Variants in PPP1R9A observed in about 807,000 individuals in gnomAD.
PPP1R9A encodes the protein protein phosphatase 1 regulatory subunit 9A, also known as neurabin-1.
PPP1R9A carries 59 observed loss-of-function variants against 141.9 expected under a neutral mutation model. The observed-to-expected ratio is 0.42, with a 90% confidence interval of 0.34 to 0.52. The LOEUF (loss-of-function observed/expected upper bound fraction) is 0.52, where lower values mean the gene tolerates loss of function less well. Ranked by LOEUF, PPP1R9A falls within the 20% of genes least tolerant of loss-of-function variation. The probability of loss-of-function intolerance (pLI) is 0.10; values close to 1 mark genes in which losing one functional copy is unlikely to be tolerated. For synonymous variants in PPP1R9A, 500 were observed against 569.7 expected (o/e 0.88, Z 1.74); for missense variants, 1,444 against 1,611.9 (o/e 0.90, Z 1.78).
chr7:95,070,593 G>GTATGTATATATATATATATATA (rs1813635157), intron 2 of PPP1R9A, among the ~76,000 whole-genome samples: 1 of 111,940 alleles, frequency 8.9e-6, no homozygotes, highest in African/African-American at 3.6e-5. Context: ...TAAATCTCTG[G>GTATGTATATATATATATATATA]TATATATATA....
intron 4 of PPP1R9A, among the ~76,000 whole-genome samples, chr7:95,148,688 C>CAAAAAAAAA (rs80065854): frequency 1.0e-4 from 7 of 69,722 alleles, no homozygotes; most frequent in Admixed American, 4.3e-4. Context: ...TCTAAAAATA[C>CAAAAAAAAA]AAAAAAAAAA....
chr7:95,023,657 C>T (rs887618150), intron 2 of PPP1R9A, among the ~76,000 whole-genome samples: 3 of 152,014 alleles, frequency 2.0e-5, no homozygotes, highest in African/African-American at 7.2e-5. Flanking sequence ...GGTTTCACGC[C>T]ATTCTCCTGC....
intron 16 of PPP1R9A, 30 bp from the exon 17 acceptor site, chr7:95,283,988 T>A: frequency 6.6e-7 from 1 of 1,513,212 alleles, no homozygotes; most frequent in Non-Finnish European, 8.9e-7. Context: ...CCTTTCTTTA[T>A]CTAACACACC....
intron 8 of PPP1R9A, among the ~76,000 whole-genome samples, chr7:95,228,451 C>G (rs1218501477): frequency 6.6e-6 from 1 of 152,172 alleles, no homozygotes; most frequent in Non-Finnish European, 1.5e-5. Flanking sequence ...TTATTAAATG[C>G]TCCTTTACCA....
intron 3 of PPP1R9A, among the ~76,000 whole-genome samples, chr7:95,114,029 C>T (rs1821036354): frequency 6.6e-6 from 1 of 152,008 alleles, no homozygotes; most frequent in Non-Finnish European, 1.5e-5. Context: ...AACATAAAAG[C>T]CATTCTTAGT....
At chr7:95,167,600 G>A (rs1831458011) in intron 5 of PPP1R9A, among the ~76,000 whole-genome samples, 1 of 152,090 alleles carries the variant, frequency 6.6e-6, no homozygotes, top group Non-Finnish European at 1.5e-5. Context: ...AAAAGAGAAT[G>A]TCAAACGGTC....
intron 4 of PPP1R9A, among the ~76,000 whole-genome samples, chr7:95,140,106 G>A (rs1465770674): frequency 6.6e-6 from 1 of 152,182 alleles, no homozygotes; most frequent in African/African-American, 2.4e-5. Flanking sequence ...AAGAAAAGAA[G>A]AAATGAAAGT....
intron 2 of PPP1R9A, among the ~76,000 whole-genome samples, chr7:94,928,664 C>A (rs1340456721): frequency 6.6e-6 from 1 of 152,128 alleles, no homozygotes; most frequent in Non-Finnish European, 1.5e-5. Context: ...CCTTTTTGCC[C>A]TCTTTATTTG....
chr7:95,225,520 AC>A (rs1246783004), intron 7 of PPP1R9A, among the ~76,000 whole-genome samples: 1 of 152,058 alleles, frequency 6.6e-6, no homozygotes, highest in Non-Finnish European at 1.5e-5. Context: ...AATCAGCTAA[AC>A]CTTTGCAAGG....
chr7:95,065,351 C>T (rs1333481998), intron 2 of PPP1R9A, among the ~76,000 whole-genome samples: 2 of 152,164 alleles, frequency 1.3e-5, no homozygotes, highest in Non-Finnish European at 2.9e-5. Context: ...AGGCGTGAGC[C>T]ACTGCACCTC....
rs767914862 is a variant in PPP1R9A, at chr7:94,911,209, G to C, written c.1096G>C (p.Gly366Arg). ...AAAGCAACAGAGGAAAGAACTTGCA[G>C]GTGGTGATTTCACCTCTCCTGATGC... is the stretch of plus-strand genomic sequence containing the variant. ...AAKQQRKELA[G>R]GDFTSPDASA... The change falls in exon 2 of 20, where the codon GGT becomes CGT. Residue 366 changes from glycine to arginine, a missense_variant. Coordinates refer to ENST00000433360, the MANE Select transcript of PPP1R9A (RefSeq NM_001166160.2). 1.2e-6 allele frequency: 2 copies of C among 1,614,208 alleles called. No homozygotes were observed. The highest frequency in any genetic ancestry group is 1.7e-6 in the Non-Finnish European group (2 of 1,180,044).
At chr7:95,115,640 C>G (rs539549695) in intron 3 of PPP1R9A, among the ~76,000 whole-genome samples, 80 of 151,830 alleles carry the variant, frequency 5.3e-4, no homozygotes, top group African/African-American at 1.7e-3. Flanking sequence ...GAGAAAAGGC[C>G]AGGTGCGGTG....
chr7:94,949,205 A>C (rs1017192633), intron 2 of PPP1R9A, among the ~76,000 whole-genome samples: 1 of 152,090 alleles, frequency 6.6e-6, no homozygotes, highest in East Asian at 1.9e-4. Flanking sequence ...CTGGGCTTAC[A>C]TGGAGGTGAC....
intron 4 of PPP1R9A, chr7:95,154,801 C>T (rs1829321071): frequency 6.6e-6 from 1 of 152,044 alleles, no homozygotes; most frequent in African/African-American, 2.4e-5. Context: ...ATACACTGTT[C>T]AAGATTTCAA....
intron 2 of PPP1R9A, among the ~76,000 whole-genome samples, chr7:95,070,610 TACACACACACAC>T: frequency 1.1e-5 from 1 of 94,058 alleles, no homozygotes; most frequent in Non-Finnish European, 2.9e-5. Flanking sequence ...TATATATATA[TACACACACACAC>T]ACATATATAT....
At chr7:95,103,917 CATA>C in intron 2 of PPP1R9A, among the ~76,000 whole-genome samples, 1 of 152,218 alleles carries the variant, frequency 6.6e-6, no homozygotes, top group African/African-American at 2.4e-5. Context: ...GCATATATAA[CATA>C]ATATTTATGG....
At chr7:95,110,227 G>C (rs957587699) in intron 2 of PPP1R9A, among the ~76,000 whole-genome samples, 2 of 152,138 alleles carry the variant, frequency 1.3e-5, no homozygotes, top group East Asian at 3.9e-4. Context: ...CAAATGTAAA[G>C]TGTCCATAGA....
intron 2 of PPP1R9A, among the ~76,000 whole-genome samples, chr7:95,032,966 T>C (rs1158767159): frequency 1.3e-5 from 2 of 152,026 alleles, no homozygotes; most frequent in Non-Finnish European, 2.9e-5. Context: ...AATGCATTCC[T>C]AAATAGTAGT....
At chr7:95,152,780 G>A (rs932268040) in intron 4 of PPP1R9A, among the ~76,000 whole-genome samples, 7 of 150,754 alleles carry the variant, frequency 4.6e-5, no homozygotes, top group Non-Finnish European at 1.0e-4. Flanking sequence ...TGATAATAAT[G>A]CCTATCATGC....
Sources: gnomAD v4.1 joint callset for allele counts (sites outside exome capture counted in the v4.1 genomes callset) on GRCh38, gnomAD v4.1.1 for gene constraint, MANE v1.5 for transcripts, NCBI Gene and HGNC (gene_info 2026-07-23, HGNC 2026-07-21) for gene names.